Variants in KDM4C observed in about 807,000 individuals in gnomAD.
KDM4C encodes the protein lysine-specific demethylase 4C.
A neutral mutation model predicts 129.3 loss-of-function variants in KDM4C; 81 were observed. The ratio of observed to expected loss-of-function variants is 0.63; its 90% confidence interval spans 0.52 to 0.75. The LOEUF (loss-of-function observed/expected upper bound fraction) is 0.75. KDM4C is among the 30% of genes least tolerant of loss of function. KDM4C has a pLI of 0.00. For missense variants in KDM4C, 1,457 were observed against 1,304.0 expected, an observed-to-expected ratio of 1.12 and a Z score of -1.81; for synonymous variants, 573 against 456.1, an observed-to-expected ratio of 1.26 and a Z score of -3.26.
chr9:6,794,027 C>G (rs1275419516), intron 2 of KDM4C, among the ~76,000 whole-genome samples: 1 of 152,204 alleles, frequency 6.6e-6, no homozygotes, highest in African/African-American at 2.4e-5. Flanking sequence ...ATTAAGCAGT[C>G]ATTCTCCATT....
chr9:7,129,059 C>T (rs551228037), intron 19 of KDM4C, among the ~76,000 whole-genome samples: 65 of 152,192 alleles, frequency 4.3e-4, no homozygotes, highest in African/African-American at 1.4e-3. Context: ...CTTCTCCTTT[C>T]GGGGGGTGTG....
At chr9:6,934,926 C>T (rs1824480802) in intron 8 of KDM4C, among the ~76,000 whole-genome samples, 1 of 151,302 alleles carries the variant, frequency 6.6e-6, no homozygotes, top group African/African-American at 2.4e-5. Flanking sequence ...TCTTTATTCT[C>T]AACCATGTGT....
At chr9:6,753,868 C>CTTTTTTTTTTTTT (rs869158656), upstream of KDM4C, among the ~76,000 whole-genome samples, 2 of 80,368 alleles carry the variant, frequency 2.5e-5, no homozygotes, top group Non-Finnish European at 4.5e-5. Flanking sequence ...TCATTGAATT[C>CTTTTTTTTTTTTT]TTTTTTTTTT....
At position 6,746,246 on chromosome 9, in the gene KDM4C, T is replaced by TTA. The variant is rs749012885; in HGVS notation, c.49+25263_49+25264dup. Among the ~76,000 whole-genome samples, 416 of 116,050 alleles carry TTA rather than the reference T, an allele frequency of 3.6e-3. 5 individuals are homozygous for TTA. The highest frequency in any genetic ancestry group is 0.019 in the Middle Eastern group (4 of 206). 76.1% of individuals were successfully genotyped at this position (116,050 alleles called of 152,430 possible). A position where few individuals can be genotyped will look rare whatever the true frequency, so the allele number is the denominator to read the frequency against. On this transcript the variant is annotated intron_variant, in intron 1 of 17. Coordinates refer to the KDM4C transcript ENST00000536108. ...GTGAGCCACTGTGCCCAGCCAGCCA[T>TTA]TATATATATATATATGTTTTTTTTT... is the stretch of plus-strand genomic sequence containing the variant.
intron 19 of KDM4C, among the ~76,000 whole-genome samples, chr9:7,152,975 A>G (rs555574395): frequency 6.6e-6 from 1 of 152,196 alleles, no homozygotes; most frequent in Non-Finnish European, 1.5e-5. Context: ...AAAAACTCCA[A>G]ATGTGGTGAC....
intron 8 of KDM4C, among the ~76,000 whole-genome samples, chr9:6,947,708 A>C (rs112936460): frequency 6.6e-5 from 10 of 152,056 alleles, no homozygotes; most frequent in African/African-American, 2.4e-4. Flanking sequence ...GTTTATCCCT[A>C]ATCTATTTGT....
intron 8 of KDM4C, among the ~76,000 whole-genome samples, chr9:6,953,686 A>T (rs1006092814): frequency 6.6e-6 from 1 of 152,204 alleles, no homozygotes; most frequent in Non-Finnish European, 1.5e-5. Context: ...CTCAGATATG[A>T]TTTGTGACCT....
At chr9:7,168,966 G>C (rs980363979) in intron 20 of KDM4C, among the ~76,000 whole-genome samples, 1 of 151,214 alleles carries the variant, frequency 6.6e-6, no homozygotes, top group South Asian at 2.1e-4. Flanking sequence ...GATTGCTTGA[G>C]CCTGGGAGGT....
At chr9:6,807,992 G>T (rs1365001249) in intron 3 of KDM4C, among the ~76,000 whole-genome samples, 1 of 102,284 alleles carries the variant, frequency 9.8e-6, no homozygotes, top group Non-Finnish European at 2.0e-5. Flanking sequence ...AGGGAGGTGG[G>T]GGGGGTCAGC....
At chr9:7,055,109 C>T (rs1275557462) in intron 17 of KDM4C, among the ~76,000 whole-genome samples, 1 of 151,972 alleles carries the variant, frequency 6.6e-6, no homozygotes, top group Non-Finnish European at 1.5e-5. Flanking sequence ...ACCTGGGAGG[C>T]GGAAGTTGCA....
At chr9:6,986,226 C>CGT in intron 10 of KDM4C, 118 bp from the exon 11 acceptor site, 1 of 644,974 alleles carries the variant, frequency 1.6e-6, no homozygotes, top group Non-Finnish European at 2.6e-6. Context: ...CATGTATGTG[C>CGT]ATGCGCATGC....
At chr9:6,983,334 G>A (rs1402029780) in intron 9 of KDM4C, among the ~76,000 whole-genome samples, 1 of 152,146 alleles carries the variant, frequency 6.6e-6, no homozygotes, top group Non-Finnish European at 1.5e-5. Context: ...TGTTTCATAT[G>A]TAAAAAGCAT....
chr9:6,859,041 G>A (rs1247403353), intron 5 of KDM4C, among the ~76,000 whole-genome samples: 3 of 152,098 alleles, frequency 2.0e-5, no homozygotes, highest in African/African-American at 7.2e-5. Flanking sequence ...CGTTGTTACT[G>A]CACATGTGTT....
intron 8 of KDM4C, among the ~76,000 whole-genome samples, chr9:6,927,209 A>C (rs1410509244): frequency 6.6e-6 from 1 of 151,954 alleles, no homozygotes; most frequent in Non-Finnish European, 1.5e-5. Context: ...GGCTCACTGC[A>C]ACCTCCTCTT....
intron 1 of KDM4C, among the ~76,000 whole-genome samples, chr9:6,724,982 T>C (rs1000230435): frequency 6.6e-6 from 1 of 152,194 alleles, no homozygotes; most frequent in African/African-American, 2.4e-5. Flanking sequence ...CCAGAGGCTC[T>C]GGGGGAGGAT....
At chr9:6,939,983 T>C (rs1825591370) in intron 8 of KDM4C, among the ~76,000 whole-genome samples, 1 of 96,614 alleles carries the variant, frequency 1.0e-5, no homozygotes, top group Admixed American at 9.4e-5. Context: ...CCTACCTTCC[T>C]TCCTTCCTTC....
chr9:7,158,618 C>T (rs1301790997), intron 19 of KDM4C, among the ~76,000 whole-genome samples: 1 of 152,152 alleles, frequency 6.6e-6, no homozygotes, highest in African/African-American at 2.4e-5. Flanking sequence ...CATTCAGGAG[C>T]AGGTTGTTCA....
intron 17 of KDM4C, among the ~76,000 whole-genome samples, chr9:7,063,358 C>A (rs1831980756): frequency 6.6e-6 from 1 of 152,156 alleles, no homozygotes; most frequent in African/African-American, 2.4e-5. Context: ...ACTGTCACTT[C>A]CCCATAAGAA....
intron 21 of KDM4C, among the ~76,000 whole-genome samples, chr9:7,171,231 A>G (rs898335662): frequency 2.0e-5 from 3 of 151,730 alleles, no homozygotes; most frequent in Admixed American, 2.0e-4. Flanking sequence ...TGTGGCTCAG[A>G]GGGGACCCAC....
Sources: allele counts gnomAD v4.1 joint callset (sites outside exome capture counted in the v4.1 genomes callset), GRCh38; gene constraint gnomAD v4.1.1; transcripts MANE v1.5; gene names NCBI Gene and HGNC (gene_info 2026-07-23, HGNC 2026-07-21).